FNIP2: variants seen among roughly 807,000 people sequenced by gnomAD.
The protein encoded by FNIP2 is folliculin interacting protein 2, also known as folliculin-interacting protein 2.
A neutral mutation model predicts 108.7 loss-of-function variants in FNIP2; 32 were observed. That is an observed-to-expected ratio of 0.29 (90% CI 0.22 to 0.40). FNIP2 has a LOEUF of 0.40. Among genes scored for constraint, FNIP2 ranks in the 10% least tolerant of loss-of-function variants. The pLI, the probability that FNIP2 is intolerant of heterozygous loss-of-function variation, is 1.00. For missense variants in FNIP2, 1,202 were observed against 1,381.6 expected (o/e 0.87, Z 2.06); for synonymous variants, 480 against 496.7 (o/e 0.97, Z 0.45).
chr4:158,784,493 T>G (rs775712480), intron 1 of FNIP2, among the ~76,000 whole-genome samples: 3 of 152,216 alleles, frequency 2.0e-5, no homozygotes, highest in Non-Finnish European at 4.4e-5. Flanking sequence ...TCTATTATTA[T>G]AACATTGTAA....
At chr4:158,802,947 C>T (rs140017988) in intron 1 of FNIP2, among the ~76,000 whole-genome samples, 111 of 152,292 alleles carry the variant, frequency 7.3e-4, no homozygotes, top group Non-Finnish European at 1.3e-3. Context: ...GGAAACAGTA[C>T]AAATAGCAGC....
Position 158,891,462 on chromosome 4 carries a change from A to G in FNIP2, c.2966A>G (p.Glu989Gly), listed in dbSNP as rs748858546. Residue 989 changes from glutamate (E) to glycine (G), a missense_variant, in exon 15 of 17, where the codon GAG (glutamate) becomes GGG (glycine). This residue lies in a region of FNIP2 where 142 missense variants were observed against 183.8 expected (regional missense o/e 0.77). Transcript: ENST00000264433. Reference protein sequence around the residue: ...VHTVHHPVLDEPIAEAVCIIA... With the variant: ...VHTVHHPVLDGPIAEAVCIIA... ...CTTTTTCAGCATCCAGTCCTGGATG[A>G]GCCAATAGCTGAAGCTGTCTGTATT... 61 of 1,601,314 alleles carry G rather than the reference A, an allele frequency of 3.8e-5. No individual in the cohort carries two copies. The highest frequency in any genetic ancestry group is 5.2e-5 in the Admixed American group (3 of 57,924).
Position 158,870,314 on chromosome 4 carries a change from T to A in FNIP2, c.2794T>A (p.Ser932Thr). ...SLEVELPLPR[S>T]QSISTQNVRN... ...TTAATGGGCCACATGTTGTTTTAGG[T>A]CTCAGAGCATCAGCACCCAGAATGT... is the stretch of plus-strand genomic sequence containing the variant. Residue 932 changes from serine (S) to threonine (T), a missense_variant and splice_region_variant, in exon 14 of 17, where the codon TCT becomes ACT. Ser to Thr is a moderately conservative substitution (Grantham distance 58). Coordinates refer to ENST00000264433, the MANE Select transcript of FNIP2 (RefSeq NM_020840.3). 1 of 1,612,944 alleles carries A rather than the reference T, an allele frequency of 6.2e-7. No individual in the cohort carries two copies. Among genetic ancestry groups the A allele is most frequent in the Non-Finnish European group, 8.5e-7 (1 of 1,178,988 alleles).
At chr4:158,864,126 CAG>C (rs1309197608) in intron 12 of FNIP2, among the ~76,000 whole-genome samples, 6 of 152,152 alleles carry the variant, frequency 3.9e-5, no homozygotes, top group Non-Finnish European at 8.8e-5. Context: ...CCCAACCACC[CAG>C]GCTCAAGTGA....
chr4:158,816,089 A>T (rs993818387), intron 1 of FNIP2, among the ~76,000 whole-genome samples: 3 of 152,052 alleles, frequency 2.0e-5, no homozygotes, highest in African/African-American at 7.2e-5. Flanking sequence ...ATATATATTT[A>T]TTTTAACCTA....
chr4:158,783,453 G>A (rs1326589200), intron 1 of FNIP2, among the ~76,000 whole-genome samples: 1 of 152,184 alleles, frequency 6.6e-6, no homozygotes, highest in African/African-American at 2.4e-5. Context: ...AAATAATTGG[G>A]TCTCTCTTCT....
In FNIP2 at chr4:158,844,209, A is replaced by G. The variant is rs2347517; in HGVS notation, c.728-7112A>G. Among the ~76,000 whole-genome samples, 723 of 152,318 alleles carry G rather than the reference A, an allele frequency of 4.7e-3. 3 individuals are homozygous for G. The Middle Eastern group carries it at 0.051, about 11-fold the overall frequency. On this transcript the variant is annotated intron_variant, in intron 7 of 16. Transcript: ENST00000264433. ...AGAAACCTACCCAATCTGTCATATTAACAGATCTGTTCCCAGCAGCTCATA... is the reference window on the plus strand; with the variant it reads ...AGAAACCTACCCAATCTGTCATATTGACAGATCTGTTCCCAGCAGCTCATA...
chr4:158,874,945 G>C (rs1781174874), intron 14 of FNIP2, among the ~76,000 whole-genome samples: 3 of 151,616 alleles, frequency 2.0e-5, no homozygotes, highest in Admixed American at 6.6e-5. Context: ...AAAGTTGCCA[G>C]GTGTGGCAGC....
intron 7 of FNIP2, among the ~76,000 whole-genome samples, chr4:158,838,497 A>G (rs562109285): frequency 4.8e-4 from 73 of 152,294 alleles, no homozygotes; most frequent in African/African-American, 1.7e-3. Context: ...CTGAGATTAT[A>G]GGTGTGAGCC....
chr4:158,815,457 A>T (rs1777512014), intron 1 of FNIP2, among the ~76,000 whole-genome samples: 1 of 144,710 alleles, frequency 6.9e-6, no homozygotes, highest in Non-Finnish European at 1.5e-5. Context: ...AGCTCCGCTC[A>T]CTGCAAGCTC....
chr4:158,828,492 T>C (rs1295608286), intron 2 of FNIP2, among the ~76,000 whole-genome samples: 2 of 152,126 alleles, frequency 1.3e-5, no homozygotes, highest in African/African-American at 4.8e-5. Flanking sequence ...GGTGGGCACC[T>C]GTAAGTCCCA....
At chr4:158,885,127 G>C (rs1410362338) in intron 14 of FNIP2, among the ~76,000 whole-genome samples, 1 of 152,114 alleles carries the variant, frequency 6.6e-6, no homozygotes, top group Admixed American at 6.6e-5. Context: ...CTGCACTCCA[G>C]CCTGGGCAAC....
intron 8 of FNIP2, 115 bp from the exon 9 acceptor site, chr4:158,858,942 A>C: frequency 2.5e-6 from 2 of 784,506 alleles, no homozygotes; most frequent in Non-Finnish European, 4.2e-6. Flanking sequence ...AACTAAAGGC[A>C]GAGATACTCT....
In FNIP2 at chr4:158,869,180, T is replaced by C; in HGVS notation, c.2544T>C (p.Pro848=). The C allele has an allele frequency of 1.2e-6, 2 of 1,614,052 alleles. No homozygotes were observed. The highest frequency in any genetic ancestry group is 2.7e-5 in the African/African-American group (2 of 75,062). The change falls in exon 13 of 17, where the codon CCT becomes CCC. Residue 848 remains proline, a synonymous_variant. Coordinates refer to ENST00000264433, the MANE Select transcript of FNIP2 (RefSeq NM_020840.3). ...RGLYVKAAEG[P]VLEPVAPRCV... ...TGTATGTGAAGGCTGCGGAAGGACC[T>C]GTGCTGGAGCCTGTTGCCCCCAGGT...
At chr4:158,888,875 CAAA>C (rs199499786) in intron 14 of FNIP2, among the ~76,000 whole-genome samples, 4 of 100,716 alleles carry the variant, frequency 4.0e-5, no homozygotes, top group Non-Finnish European at 2.1e-5. Context: ...AAGACTGTCT[CAAA>C]AAAAAAAAAA....
chr4:158,801,536 C>A (rs978712498), intron 1 of FNIP2, among the ~76,000 whole-genome samples: 3 of 152,178 alleles, frequency 2.0e-5, no homozygotes, highest in African/African-American at 7.2e-5. Flanking sequence ...GGATTTAAGG[C>A]CTGGCTCTGC....
intron 14 of FNIP2, among the ~76,000 whole-genome samples, chr4:158,888,486 C>G (rs1782130293): frequency 6.6e-6 from 1 of 152,186 alleles, no homozygotes; most frequent in Non-Finnish European, 1.5e-5. Flanking sequence ...AGAGAAGATT[C>G]AGCCCCACTT....
At chr4:158,792,555 T>A (rs1249443888) in intron 1 of FNIP2, among the ~76,000 whole-genome samples, 1 of 152,190 alleles carries the variant, frequency 6.6e-6, no homozygotes, top group Non-Finnish European at 1.5e-5. Context: ...TCAGCGTTAA[T>A]GAAGCAACAA....
At chr4:158,774,290 G>A (rs1167030291) in intron 1 of FNIP2, among the ~76,000 whole-genome samples, 1 of 152,094 alleles carries the variant, frequency 6.6e-6, no homozygotes, top group Admixed American at 6.5e-5. Context: ...TTAATTTTTT[G>A]TGTTTTATTC....
Sources: gnomAD v4.1 joint callset for allele counts (sites outside exome capture counted in the v4.1 genomes callset) on GRCh38, gnomAD v4.1.1 for gene constraint, gnomAD v4.1.1 regional missense constraint, MANE v1.5 for transcripts, NCBI Gene and HGNC (gene_info 2026-07-23, HGNC 2026-07-21) for gene names.